Variants in STUM observed in about 807,000 individuals in gnomAD.
STUM encodes stum, mechanosensory transduction mediator homolog, also known as protein stum homolog.
STUM carries 8 observed loss-of-function variants against 15.3 expected under a neutral mutation model. The ratio of observed to expected loss-of-function variants is 0.52; its 90% CI spans 0.31 to 0.94. The LOEUF (loss-of-function observed/expected upper bound fraction) is 0.94, where lower values mean the gene tolerates loss of function less well. Among genes scored for constraint, STUM ranks in the 40% least tolerant of loss-of-function variants. The pLI, the probability that STUM is intolerant of heterozygous loss-of-function variation, is 0.05. For synonymous variants in STUM, 78 were observed against 88.7 expected, an observed-to-expected ratio of 0.88 and a Z score of 0.68; for missense variants, 142 against 204.9, an observed-to-expected ratio of 0.69 and a Z score of 1.87.
At chr1:226,575,491 A>T (rs1667794794) in intron 1 of STUM, among the ~76,000 whole-genome samples, 1 of 152,208 alleles carries the variant, frequency 6.6e-6, no homozygotes, top group South Asian at 2.1e-4. Context: ...GTGGCTGGCC[A>T]GGTCCATGGA....
chr1:226,573,768 G>A lies in STUM; in HGVS notation c.203-23034G>A, dbSNP rs998388621. Among the ~76,000 whole-genome samples, 5 of 151,878 alleles carry A rather than the reference G, an allele frequency of 3.3e-5. No homozygotes were observed. In the South Asian group the frequency reaches 1.0e-3, roughly 32 times the overall value. On this transcript the variant is annotated intron_variant, in intron 1 of 3. Transcript: ENST00000366788. ...CATATCCATCTCCTCACATAGTTAC[G>A]TTTTTGTGTATGTATGTGGTAAGAG...
In STUM at chr1:226,595,434, G is replaced by A. The variant is rs79555835; in HGVS notation, c.203-1368G>A. 5.7e-4 allele frequency among the ~76,000 whole-genome samples: 87 copies of A among 152,226 alleles called. No homozygotes were observed. The East Asian group carries it at 0.016, about 28-fold the overall frequency. ...ACTCAGAAACAGTGCTCCACCAGCC[G>A]TCTAGGAACCCCTCAATCCCATCAA... On this transcript the variant is annotated intron_variant, in intron 1 of 3. Coordinates refer to ENST00000366788, the MANE Select transcript of STUM (RefSeq NM_001003665.4).
chr1:226,571,703 G>A (rs1327320880), intron 1 of STUM, among the ~76,000 whole-genome samples: 1 of 151,668 alleles, frequency 6.6e-6, no homozygotes, highest in Non-Finnish European at 1.5e-5. Context: ...GCAATGGCGT[G>A]ATCTTGGCTC....
chr1:226,570,381 G>A (rs1667688211), intron 1 of STUM, among the ~76,000 whole-genome samples: 1 of 152,206 alleles, frequency 6.6e-6, no homozygotes, highest in Admixed American at 6.5e-5. Flanking sequence ...CATTGGCAGT[G>A]TCAGAGCAAC....
Position 226,567,212 on chromosome 1 carries a change from T to C in STUM, c.202+18106T>C, listed in dbSNP as rs1329840851. Among the ~76,000 whole-genome samples, 1 of 152,148 alleles carries C rather than the reference T, an allele frequency of 6.6e-6. No homozygotes were observed. Among genetic ancestry groups the C allele is most frequent in the East Asian group, 1.9e-4 (1 of 5,180 alleles). ...CCAGGCCAGATTGACCTGAAATCTC[T>C]TCCCGAGCCTTGCTTTCAAAAAGCC... On this transcript the variant is annotated intron_variant, in intron 1 of 3. Coordinates refer to ENST00000366788, the MANE Select transcript of STUM (RefSeq NM_001003665.4). The surrounding 1 kb of genome is among the most constrained non-coding windows in gnomAD (Gnocchi z 4.5).
At chr1:226,578,128 T>C (rs914519781) in intron 1 of STUM, among the ~76,000 whole-genome samples, 1 of 152,196 alleles carries the variant, frequency 6.6e-6, no homozygotes, top group Non-Finnish European at 1.5e-5. Context: ...ACATTGCTGT[T>C]TGCACCTTCT....
chr1:226,608,855 A>ACCCAGC lies in STUM; in HGVS notation c.*6825_*6830dup, dbSNP rs926186612. 1 of 152,292 alleles carries ACCCAGC rather than the reference A, an allele frequency of 6.6e-6. No individual in the cohort carries two copies. The highest frequency in any genetic ancestry group is 2.4e-5 in the African/African-American group (1 of 41,420). The allele number at this position is 152,292 out of a possible 1,614,324, so 9.4% of individuals were successfully genotyped here. ...CTCAGCTTTCCCCAACACCCTCAGG[A>ACCCAGC]CCCAGCCCCAGCCCCGGCAGACCTT... On this transcript the variant is annotated 3_prime_UTR_variant, in exon 4 of 4. Coordinates refer to ENST00000366788, the MANE Select transcript of STUM (RefSeq NM_001003665.4). The surrounding 1 kb of genome is among the most constrained non-coding windows in gnomAD (Gnocchi z 4.0).
chr1:226,555,238 AGCCTCTGGG>A (rs1667427886), intron 1 of STUM, among the ~76,000 whole-genome samples: 1 of 152,182 alleles, frequency 6.6e-6, no homozygotes, highest in East Asian at 1.9e-4. Context: ...GATCTTGCCC[AGCCTCTGGG>A]CTTTCAATCG....
intron 1 of STUM, among the ~76,000 whole-genome samples, chr1:226,553,469 CA>C: frequency 6.6e-6 from 1 of 151,174 alleles, no homozygotes; most frequent in East Asian, 1.9e-4. Context: ...CAGCAGGCTT[CA>C]AAAAGAAAAA....
At chr1:226,568,807 A>G (rs1256069873) in intron 1 of STUM, among the ~76,000 whole-genome samples, 1 of 152,268 alleles carries the variant, frequency 6.6e-6, no homozygotes, top group Non-Finnish European at 1.5e-5. Context: ...AGGACACCTC[A>G]TTGCTCCAGG....
intron 2 of STUM, chr1:226,597,411 G>A (rs775286972): frequency 6.3e-6 from 3 of 473,344 alleles, no homozygotes; most frequent in Non-Finnish European, 4.4e-6. Context: ...ATTTTCCCAC[G>A]CCCATCTACA....
chr1:226,604,920 C>T lies in STUM; in HGVS notation c.*2880C>T, dbSNP rs1668332605. ...ATGCTCCCAGTACCAAACTGTGACA[C>T]TGGGATCAGGGTGGTCATTCCCTTG... On this transcript the variant is annotated 3_prime_UTR_variant, in exon 4 of 4. Transcript: ENST00000366788. The surrounding 1 kb of genome is among the most constrained non-coding windows in gnomAD (Gnocchi z 4.7). 6.6e-6 allele frequency: 1 copy of T among 152,358 alleles called. No homozygotes were observed. The highest frequency in any genetic ancestry group is 6.5e-5 in the Admixed American group (1 of 15,290). The allele number at this position is 152,358 out of a possible 1,614,324, so 9.4% of individuals were successfully genotyped here. A position where few individuals can be genotyped will look rare whatever the true frequency, so the allele number is the denominator to read the frequency against.
rs1436440875 is a variant in STUM, at chr1:226,549,202, C to G, written c.202+96C>G. The G allele has an allele frequency of 1.8e-6, 2 of 1,119,496 alleles. No individual in the cohort carries two copies. Among genetic ancestry groups the G allele is most frequent in the Non-Finnish European group, 2.5e-6 (2 of 795,946 alleles). The allele number at this position is 1,119,496 out of a possible 1,614,324, so 69.3% of individuals were successfully genotyped here. On this transcript the variant is annotated intron_variant, in intron 1 of 3. Transcript: ENST00000366788. This position sits in a 1 kb window ranked among gnomAD's most constrained non-coding sequence, Gnocchi z 6.8. ...GCGGCCGGAGACCTCCTGGCGGGGC[C>G]GCGCGCTCCAAGTGCTGCGACCACG...
chr1:226,571,628 C>T (rs1330740540), intron 1 of STUM, among the ~76,000 whole-genome samples: 2 of 151,722 alleles, frequency 1.3e-5, no homozygotes, highest in Admixed American at 1.3e-4. Context: ...GAACCTTCTC[C>T]CTTCTTCTTC....
intron 1 of STUM, among the ~76,000 whole-genome samples, chr1:226,583,981 G>C (rs545972034): frequency 6.6e-6 from 1 of 152,036 alleles, no homozygotes; most frequent in South Asian, 2.1e-4. Flanking sequence ...TTGTTGTGTA[G>C]AAAACAATCT....
At chr1:226,574,158 T>C (rs1667766953) in intron 1 of STUM, among the ~76,000 whole-genome samples, 1 of 152,220 alleles carries the variant, frequency 6.6e-6, no homozygotes, top group Non-Finnish European at 1.5e-5. Flanking sequence ...TTAATAACTA[T>C]AGTCCATATG....
chr1:226,590,897 C>T (rs908325966), intron 1 of STUM, among the ~76,000 whole-genome samples: 12 of 152,238 alleles, frequency 7.9e-5, no homozygotes, highest in African/African-American at 2.9e-4. Context: ...TACGGCCAAA[C>T]AGAATTCATC....
intron 1 of STUM, among the ~76,000 whole-genome samples, chr1:226,579,075 T>A (rs901343475): frequency 6.6e-6 from 1 of 152,222 alleles, no homozygotes; most frequent in Non-Finnish European, 1.5e-5. Context: ...TTGACCTGTA[T>A]GGATGGTGGG....
At chr1:226,578,282 C>G (rs925795090) in intron 1 of STUM, among the ~76,000 whole-genome samples, 1 of 151,396 alleles carries the variant, frequency 6.6e-6, no homozygotes, top group African/African-American at 2.4e-5. Context: ...CACTATGTTG[C>G]CCAGGCTGGT....
Sources: gnomAD v4.1 joint callset for allele counts (sites outside exome capture counted in the v4.1 genomes callset) on GRCh38, gnomAD v4.1.1 for gene constraint, Gnocchi (gnomAD v3.1) non-coding constraint, MANE v1.5 for transcripts, NCBI Gene and HGNC (gene_info 2026-07-23, HGNC 2026-07-21) for gene names.